The following LRRC4C variants were observed in gnomAD, a reference collection of about 807,000 sequenced individuals.
LRRC4C encodes the protein leucine-rich repeat-containing protein 4C.
LRRC4C carries 5 observed loss-of-function variants against 33.6 expected under a neutral mutation model. That is an observed-to-expected ratio of 0.15 (90% CI 0.08 to 0.31). LRRC4C has a LOEUF of 0.31. LRRC4C is among the 10% of genes least tolerant of loss of function. LRRC4C has a pLI of 1.00. For synonymous variants in LRRC4C, 329 were observed against 302.0 expected (o/e 1.09, Z -0.93); for missense variants, 560 against 796.7 (o/e 0.70, Z 3.58).
At chr11:40,319,175 T>C (rs1945722138) in intron 4 of LRRC4C, among the ~76,000 whole-genome samples, 1 of 152,332 alleles carries the variant, frequency 6.6e-6, no homozygotes, top group Non-Finnish European at 1.5e-5. Flanking sequence ...TGTCCTCTAT[T>C]TAACCCCTTT....
chr11:40,418,232 C>A (rs1325062464), intron 3 of LRRC4C, among the ~76,000 whole-genome samples: 1 of 152,070 alleles, frequency 6.6e-6, no homozygotes, highest in Non-Finnish European at 1.5e-5. Flanking sequence ...GGTCTAATAT[C>A]CAGAATCTAC....
At chr11:40,433,561 G>C (rs1206213437) in intron 3 of LRRC4C, among the ~76,000 whole-genome samples, 1 of 152,160 alleles carries the variant, frequency 6.6e-6, no homozygotes, top group Non-Finnish European at 1.5e-5. Context: ...AAAAAAATTA[G>C]ATAGTTACTA....
intron 3 of LRRC4C, among the ~76,000 whole-genome samples, chr11:40,574,677 A>C (rs1282671651): frequency 7.9e-5 from 12 of 152,204 alleles, no homozygotes. Flanking sequence ...TAGAATTCTC[A>C]GATCATGGGG....
At chr11:41,289,018 A>G (rs993937107) in intron 1 of LRRC4C, among the ~76,000 whole-genome samples, 7 of 152,072 alleles carry the variant, frequency 4.6e-5, no homozygotes, top group Non-Finnish European at 1.0e-4. Context: ...TCATAATTGT[A>G]CCTGCAAATT....
At position 40,284,509 on chromosome 11, in the gene LRRC4C, G is replaced by T. The variant is rs191410240; in HGVS notation, c.-176+35119C>A. On this transcript the variant is annotated intron_variant, in intron 4 of 6. Coordinates refer to ENST00000528697, the MANE Select transcript of LRRC4C (RefSeq NM_001258419.2). ...AAAACATATTTCAAGAATATAAAGAGGATGTTCAGCATTACTTGTTGGATG... is the reference window on the plus strand; with the variant it reads ...AAAACATATTTCAAGAATATAAAGATGATGTTCAGCATTACTTGTTGGATG... 7.0e-3 allele frequency among the ~76,000 whole-genome samples: 1,072 copies of T among 152,196 alleles called. 11 individuals carry two copies. Among genetic ancestry groups the T allele is most frequent in the African/African-American group, 0.025 (1,031 of 41,514 alleles).
chr11:40,307,067 G>A (rs1945077487), intron 4 of LRRC4C, among the ~76,000 whole-genome samples: 1 of 146,998 alleles, frequency 6.8e-6, no homozygotes, highest in African/African-American at 2.5e-5. Context: ...TTTTTGCTTG[G>A]GGAGGTGCCC....
At chr11:40,366,963 C>G (rs1948235430) in intron 3 of LRRC4C, among the ~76,000 whole-genome samples, 1 of 152,056 alleles carries the variant, frequency 6.6e-6, no homozygotes, top group African/African-American at 2.4e-5. Context: ...AGTACTCACT[C>G]TAATAACTAT....
At chr11:40,909,258 C>A (rs992301636) in intron 2 of LRRC4C, among the ~76,000 whole-genome samples, 1 of 152,062 alleles carries the variant, frequency 6.6e-6, no homozygotes, top group Admixed American at 6.6e-5. Context: ...TCTTTAAAAA[C>A]TTTCCATTGT....
chr11:41,034,941 T>G (rs899382853), intron 1 of LRRC4C, among the ~76,000 whole-genome samples: 1 of 150,436 alleles, frequency 6.6e-6, no homozygotes, highest in Non-Finnish European at 1.5e-5. Context: ...GGGTCGTTGG[T>G]ATTTTATTTA....
At chr11:41,402,143 A>AT (rs1954049838) in intron 1 of LRRC4C, among the ~76,000 whole-genome samples, 1 of 152,038 alleles carries the variant, frequency 6.6e-6, no homozygotes, top group Non-Finnish European at 1.5e-5. Context: ...GGTCCATGGG[A>AT]TAAAATAGAA....
chr11:40,230,362 C>T (rs993636634), intron 5 of LRRC4C, among the ~76,000 whole-genome samples: 2 of 152,178 alleles, frequency 1.3e-5, no homozygotes, highest in African/African-American at 4.8e-5. Flanking sequence ...AAATTGCCTT[C>T]TTATCCCACT....
intron 1 of LRRC4C, among the ~76,000 whole-genome samples, chr11:41,238,750 C>T (rs540432664): frequency 2.0e-5 from 3 of 152,244 alleles, no homozygotes; most frequent in African/African-American, 7.2e-5. Context: ...TGCCTCTTTA[C>T]TATCATTATA....
At chr11:40,691,305 C>A (rs1326190279) in intron 2 of LRRC4C, among the ~76,000 whole-genome samples, 1 of 151,980 alleles carries the variant, frequency 6.6e-6, no homozygotes, top group East Asian at 1.9e-4. Flanking sequence ...TCATAGGGAG[C>A]ACTTCCGATA....
chr11:40,322,922 C>T (rs755095219), intron 3 of LRRC4C, among the ~76,000 whole-genome samples: 4 of 152,014 alleles, frequency 2.6e-5, no homozygotes, highest in Non-Finnish European at 5.9e-5. Context: ...TTACATTTTC[C>T]CTTGGAAATA....
intron 1 of LRRC4C, among the ~76,000 whole-genome samples, chr11:41,338,174 C>A (rs1053692645): frequency 6.6e-6 from 1 of 152,110 alleles, no homozygotes; most frequent in African/African-American, 2.4e-5. Context: ...TTTGACCCAG[C>A]AAGAAATCCC....
At chr11:40,152,775 G>A (rs1590542525) in intron 5 of LRRC4C, among the ~76,000 whole-genome samples, 1 of 152,226 alleles carries the variant, frequency 6.6e-6, no homozygotes, top group South Asian at 2.1e-4. Flanking sequence ...CCCCACAGCA[G>A]CCACAGCAAG....
chr11:40,808,326 G>A (rs1285383220), intron 2 of LRRC4C, among the ~76,000 whole-genome samples: 5 of 151,880 alleles, frequency 3.3e-5, no homozygotes, highest in Non-Finnish European at 7.4e-5. Flanking sequence ...AGCACTTTCA[G>A]AAATACATGT....
intron 3 of LRRC4C, among the ~76,000 whole-genome samples, chr11:40,598,749 G>A (rs941231902): frequency 1.2e-4 from 19 of 152,152 alleles, no homozygotes; most frequent in South Asian, 2.1e-4. Flanking sequence ...GAACAGGGAA[G>A]TGGTTGCAGA....
chr11:41,180,607 G>A (rs535310112), intron 1 of LRRC4C, among the ~76,000 whole-genome samples: 14 of 152,248 alleles, frequency 9.2e-5, no homozygotes, highest in African/African-American at 3.1e-4. Flanking sequence ...GCACATGCAC[G>A]TGCATGACTT....
Sources: gnomAD v4.1 joint callset for allele counts (sites outside exome capture counted in the v4.1 genomes callset) on GRCh38, gnomAD v4.1.1 for gene constraint, MANE v1.5 for transcripts, NCBI Gene and HGNC (gene_info 2026-07-23, HGNC 2026-07-21) for gene names.